Variants in DPYSL2 observed in about 807,000 individuals in gnomAD.
The protein encoded by DPYSL2 is dihydropyrimidinase like 2.
Under a neutral mutation model 69.9 loss-of-function variants are expected in DPYSL2, and 13 were observed. That is an observed-to-expected ratio of 0.19 (90% CI 0.12 to 0.30). DPYSL2 has a LOEUF of 0.30. Among genes scored for constraint, DPYSL2 ranks in the 10% least tolerant of loss-of-function variants. The pLI is 1.00. For synonymous variants in DPYSL2, 326 were observed against 359.1 expected (o/e 0.91, Z 1.04); for missense variants, 587 against 918.9 (o/e 0.64, Z 4.67).
In DPYSL2 at chr8:26,614,776, C is replaced by A. The variant is rs1290916554; in HGVS notation, c.629-9367C>A. Among the ~76,000 whole-genome samples, 1 of 152,170 alleles carries A rather than the reference C, an allele frequency of 6.6e-6. No individual in the cohort carries two copies. The highest frequency in any genetic ancestry group is 1.5e-5 in the Non-Finnish European group (1 of 68,028). ...AGGAAAGAGAAAGGAGAGGGCTACT[C>A]AAGTGCCTGAAGGTCCGAGCAGTGA... On this transcript the variant is annotated intron_variant, in intron 3 of 13. Coordinates refer to ENST00000521913, the MANE Select transcript of DPYSL2 (RefSeq NM_001197293.3). The surrounding 1 kb of genome is among the most constrained non-coding windows in gnomAD (Gnocchi z 4.9).
At position 26,650,543 on chromosome 8, in the gene DPYSL2, A is replaced by G. The variant is rs1385807185; in HGVS notation, c.1597-1714A>G. Among the ~76,000 whole-genome samples, 1 of 152,178 alleles carries G rather than the reference A, an allele frequency of 6.6e-6. No homozygotes were observed. The highest frequency in any genetic ancestry group is 1.9e-4 in the East Asian group (1 of 5,196). ...CTGAAGCTGAGACAGGATTAAAGCA[A>G]TCTCCCCAGAGTCACACAACTTCTG... On this transcript the variant is annotated intron_variant, in intron 11 of 13. Coordinates refer to ENST00000521913, the MANE Select transcript of DPYSL2 (RefSeq NM_001197293.3). This position sits in a 1 kb window ranked among gnomAD's most constrained non-coding sequence, Gnocchi z 5.3.
At chr8:26,608,495 G>T (rs74787584) in intron 3 of DPYSL2, among the ~76,000 whole-genome samples, 2,927 of 152,252 alleles carry the variant, frequency 0.019, 33 homozygotes, top group South Asian at 0.049. Context: ...TCTTGAGGAC[G>T]AAGAGAAAAT....
Position 26,624,371 on chromosome 8 carries a change from C to A in DPYSL2, c.793+64C>A. ...CGCTTCAGTCCATCAACTGGCACAG[C>A]CCTGGGAAGAAAGTGATAATGCTTC... On this transcript the variant is annotated intron_variant, in intron 4 of 13. Transcript: ENST00000521913. This position sits in a 1 kb window ranked among gnomAD's most constrained non-coding sequence, Gnocchi z 4.7. The A allele has an allele frequency of 1.3e-6, 2 of 1,565,166 alleles. No homozygotes were observed. Among genetic ancestry groups the A allele is most frequent in the Non-Finnish European group, 1.7e-6 (2 of 1,149,116 alleles).
chr8:26,643,485 C>T lies in DPYSL2; in HGVS notation c.1173C>T (p.Asp391=), dbSNP rs138088405. ...GEPITASLGT[D]GSHYWSKNWA... ...CCATCACTGCCAGCTTGGGAACGGA[C>T]GGCTCCCATTACTGGAGCAAGAACT... The change falls in exon 9 of 14, where the codon GAC becomes GAT. Residue 391 remains aspartate (D), a synonymous_variant. Coordinates refer to ENST00000521913, the MANE Select transcript of DPYSL2 (RefSeq NM_001197293.3). This position sits in a 1 kb window ranked among gnomAD's most constrained non-coding sequence, Gnocchi z 6.5. 1,842 of 1,611,174 alleles carry T rather than the reference C, an allele frequency of 1.1e-3. 17 individuals are homozygous for T. The highest frequency in any genetic ancestry group is 5.7e-4 in the African/African-American group (43 of 74,976).
At chr8:26,525,537 T>A (rs554405807) in intron 1 of DPYSL2, among the ~76,000 whole-genome samples, 1 of 152,240 alleles carries the variant, frequency 6.6e-6, no homozygotes, top group Non-Finnish European at 1.5e-5. Flanking sequence ...TTCATTTTTA[T>A]CTACATTTTA....
chr8:26,579,503 C>A (rs1801438238), intron 1 of DPYSL2, among the ~76,000 whole-genome samples: 1 of 152,164 alleles, frequency 6.6e-6, no homozygotes, highest in Non-Finnish European at 1.5e-5. Flanking sequence ...CCTTTTAAAG[C>A]AGTCAGGATG....
chr8:26,553,746 G>C (rs1800903479), intron 1 of DPYSL2, among the ~76,000 whole-genome samples: 1 of 152,136 alleles, frequency 6.6e-6, no homozygotes, highest in South Asian at 2.1e-4. Flanking sequence ...ACCCAGTAGT[G>C]GGATTGCTGG....
chr8:26,528,463 A>G (rs1465562418), intron 1 of DPYSL2, among the ~76,000 whole-genome samples: 2 of 152,058 alleles, frequency 1.3e-5, no homozygotes, highest in Non-Finnish European at 2.9e-5. Context: ...CCTGGCCAAC[A>G]TGGTGAAACC....
rs1321491346 is a variant in DPYSL2 at position 26,571,323 on chromosome 8, G to C, written c.355-10646G>C. Among the ~76,000 whole-genome samples the C allele has an allele frequency of 1.3e-5, 2 of 152,120 alleles. No individual in the cohort carries two copies. Among genetic ancestry groups the C allele is most frequent in the African/African-American group, 4.8e-5 (2 of 41,414 alleles). On this transcript the variant is annotated intron_variant, in intron 1 of 13. Transcript: ENST00000521913. The surrounding 1 kb of genome is among the most constrained non-coding windows in gnomAD (Gnocchi z 6.1). ...GTGATTCTGATGGAGGGGAGTACTT[G>C]GGCACACCAACGGAAACAAGTGATC...
chr8:26,575,899 C>T (rs1162472384), intron 1 of DPYSL2, among the ~76,000 whole-genome samples: 1 of 152,148 alleles, frequency 6.6e-6, no homozygotes, highest in Non-Finnish European at 1.5e-5. Context: ...CTGCCCTGTC[C>T]TCCGCAAAGC....
rs1800551297 is a variant in DPYSL2 at position 26,533,997 on chromosome 8, G to T, written c.354+19318G>T. On this transcript the variant is annotated intron_variant, in intron 1 of 13. Coordinates refer to ENST00000521913, the MANE Select transcript of DPYSL2 (RefSeq NM_001197293.3). The surrounding 1 kb of genome is among the most constrained non-coding windows in gnomAD (Gnocchi z 4.8). ...ATTGGGAAGAAGCTGGGAAGTCCATGGGCTTTGAAGGTCCAAGGAATGAAA... is the reference window on the plus strand; with the variant it reads ...ATTGGGAAGAAGCTGGGAAGTCCATTGGCTTTGAAGGTCCAAGGAATGAAA... 6.6e-6 allele frequency among the ~76,000 whole-genome samples: 1 copy of T among 152,152 alleles called. No individual in the cohort carries two copies.
In DPYSL2 at chr8:26,587,010, G is replaced by A. The variant is rs545732505; in HGVS notation, c.628+3027G>A. Among the ~76,000 whole-genome samples, 27 of 152,316 alleles carry A rather than the reference G, an allele frequency of 1.8e-4. No homozygotes were observed. The South Asian group carries it at 3.9e-3, about 22-fold the overall frequency. The stretch of plus-strand genomic sequence containing the variant: ...TAACCACCTATGTTTACTGACCTCT[G>A]TAGAATTTCTACTAGCCTGCCTTTC... On this transcript the variant is annotated intron_variant, in intron 3 of 13. Coordinates refer to ENST00000521913, the MANE Select transcript of DPYSL2 (RefSeq NM_001197293.3). This position sits in a 1 kb window ranked among gnomAD's most constrained non-coding sequence, Gnocchi z 4.2.
rs1038626049 is a variant in DPYSL2 at position 26,622,448 on chromosome 8, A to G, written c.629-1695A>G. 2.8e-5 allele frequency among the ~76,000 whole-genome samples: 4 copies of G among 142,644 alleles called. No homozygotes were observed. In the East Asian group the frequency reaches 6.1e-4, roughly 22 times the overall value. 93.6% of individuals were successfully genotyped at this position (142,644 alleles called of 152,430 possible). A position where few individuals can be genotyped will look rare whatever the true frequency, so the allele number is the denominator to read the frequency against. ...AATTCAGCTTAGATGGCCATATTGT[A>G]TGTGTGTGTGTGTGTGTGTGTGTGT... On this transcript the variant is annotated intron_variant, in intron 3 of 13. Transcript: ENST00000521913.
intron 3 of DPYSL2, among the ~76,000 whole-genome samples, chr8:26,615,982 T>C (rs562910253): frequency 9.8e-5 from 15 of 152,328 alleles, no homozygotes; most frequent in African/African-American, 3.6e-4. Context: ...TGGGGGTGTT[T>C]ATCAAACCAC....
intron 1 of DPYSL2, among the ~76,000 whole-genome samples, chr8:26,537,068 A>G (rs1161829056): frequency 6.6e-6 from 1 of 152,202 alleles, no homozygotes; most frequent in Non-Finnish European, 1.5e-5. Context: ...GAAAGCCTTA[A>G]AAATTTGATT....
intron 4 of DPYSL2, among the ~76,000 whole-genome samples, chr8:26,625,077 A>G (rs1802585321): frequency 6.6e-6 from 1 of 152,188 alleles, no homozygotes; most frequent in Non-Finnish European, 1.5e-5. Context: ...TGTGAGTGAC[A>G]TGGCAAGAGG....
chr8:26,570,467 G>A (rs772879119), intron 1 of DPYSL2, among the ~76,000 whole-genome samples: 4 of 152,112 alleles, frequency 2.6e-5, no homozygotes, highest in Non-Finnish European at 5.9e-5. Flanking sequence ...TTGGCCAGGC[G>A]CGGGGGCTCA....
intron 3 of DPYSL2, among the ~76,000 whole-genome samples, chr8:26,599,766 A>G (rs1801950730): frequency 6.6e-6 from 1 of 151,670 alleles, no homozygotes. Context: ...TTTAGATATG[A>G]TTTGTATACC....
chr8:26,651,371 T>C (rs1490269031), intron 11 of DPYSL2, among the ~76,000 whole-genome samples: 1 of 152,230 alleles, frequency 6.6e-6, no homozygotes, highest in Non-Finnish European at 1.5e-5. Flanking sequence ...CCCTGAGTGC[T>C]GATAACCTGG....
Sources: gnomAD v4.1 joint callset for allele counts (sites outside exome capture counted in the v4.1 genomes callset) on GRCh38, gnomAD v4.1.1 for gene constraint, Gnocchi (gnomAD v3.1) non-coding constraint, MANE v1.5 for transcripts, NCBI Gene and HGNC (gene_info 2026-07-23, HGNC 2026-07-21) for gene names.